Variants in SAMD8 observed in about 807,000 individuals in gnomAD.
The protein encoded by SAMD8 is sterile alpha motif domain containing 8.
A neutral mutation model predicts 42.0 loss-of-function variants in SAMD8; 20 were observed. The ratio of observed to expected loss-of-function variants is 0.48; its 90% CI spans 0.34 to 0.69. The LOEUF is 0.69. Ranked by LOEUF, SAMD8 falls within the 30% of genes least tolerant of loss-of-function variation. The pLI, the probability that SAMD8 is intolerant of heterozygous loss-of-function variation, is 0.01. For missense variants in SAMD8, 328 were observed against 511.6 expected (o/e 0.64, Z 3.46); for synonymous variants, 162 against 173.0 (o/e 0.94, Z 0.50).
At chr10:75,158,880 G>C (rs1284268864) in intron 2 of SAMD8, among the ~76,000 whole-genome samples, 1 of 152,104 alleles carries the variant, frequency 6.6e-6, no homozygotes, top group Non-Finnish European at 1.5e-5. Flanking sequence ...ACTGTAGCAT[G>C]TATCAGCACT....
At chr10:75,162,233 C>T (rs1348898259) in intron 2 of SAMD8, among the ~76,000 whole-genome samples, 3 of 152,130 alleles carry the variant, frequency 2.0e-5, no homozygotes, top group Non-Finnish European at 4.4e-5. Context: ...GTGGTGGGCA[C>T]CTGTAATCCC....
At chr10:75,124,544 C>T (rs961788578) in intron 1 of SAMD8, among the ~76,000 whole-genome samples, 4 of 146,098 alleles carry the variant, frequency 2.7e-5, no homozygotes, top group African/African-American at 5.0e-5. Flanking sequence ...ACCCGGGAGG[C>T]GGAGATTGCA....
At chr10:75,149,634 A>T (rs1840233506) in intron 1 of SAMD8, among the ~76,000 whole-genome samples, 1 of 152,148 alleles carries the variant, frequency 6.6e-6, no homozygotes, top group African/African-American at 2.4e-5. Flanking sequence ...AATTACAGTT[A>T]TCTACTTTCC....
At chr10:75,105,733 T>C (rs965913587) in intron 1 of SAMD8, 37 of 1,554,500 alleles carry the variant, frequency 2.4e-5, no homozygotes, top group Admixed American at 3.9e-5. Context: ...GAAGCCTCGG[T>C]TGGGGAAGAC....
intron 1 of SAMD8, among the ~76,000 whole-genome samples, chr10:75,133,332 A>G (rs191644740): frequency 8.2e-4 from 125 of 151,996 alleles, no homozygotes; most frequent in Admixed American, 2.1e-3. Context: ...GAGCCTGACA[A>G]GCGGTGGTTG....
At chr10:75,171,727 T>TA (rs1220867416) in intron 4 of SAMD8, among the ~76,000 whole-genome samples, 2 of 152,062 alleles carry the variant, frequency 1.3e-5, no homozygotes, top group Non-Finnish European at 2.9e-5. Context: ...ACATGCACAT[T>TA]AAAAAATATA....
chr10:75,117,058 C>T (rs140665654), intron 1 of SAMD8, among the ~76,000 whole-genome samples: 8 of 152,028 alleles, frequency 5.3e-5, no homozygotes, highest in Non-Finnish European at 1.0e-4. Context: ...GCATCCACCC[C>T]CCTTGGCCTC....
At chr10:75,166,938 T>G (rs1406875938) in intron 3 of SAMD8, among the ~76,000 whole-genome samples, 1 of 152,184 alleles carries the variant, frequency 6.6e-6, no homozygotes. Context: ...AAATGCAGAT[T>G]CCTAGGTTCC....
At chr10:75,118,197 C>T (rs560605336) in intron 1 of SAMD8, among the ~76,000 whole-genome samples, 1 of 152,186 alleles carries the variant, frequency 6.6e-6, no homozygotes, top group Non-Finnish European at 1.5e-5. Context: ...GCCCTAAATT[C>T]TACTGCTCAG....
chr10:75,178,843 A>G lies in SAMD8; in HGVS notation c.*2151A>G, dbSNP rs1215086384. The G allele has an allele frequency of 6.6e-6, 1 of 152,276 alleles. No individual in the cohort carries two copies. The highest frequency in any genetic ancestry group is 6.5e-5 in the Admixed American group (1 of 15,284). 9.4% of individuals were successfully genotyped at this position (152,276 alleles called of 1,614,324 possible). ...CAGGAGTTCGAGATTAGCCTGGCCA[A>G]TATGGTGAAACCTCATCTCTACTAA... On this transcript the variant is annotated 3_prime_UTR_variant, in exon 6 of 6. Coordinates refer to ENST00000542569, the MANE Select transcript of SAMD8 (RefSeq NM_001174156.2).
At chr10:75,163,115 C>T (rs560736925) in intron 2 of SAMD8, among the ~76,000 whole-genome samples, 2 of 152,102 alleles carry the variant, frequency 1.3e-5, no homozygotes, top group African/African-American at 4.8e-5. Context: ...TTAGTAGAGA[C>T]GGGGTTTAAC....
chr10:75,131,966 G>T (rs1282734410), intron 1 of SAMD8, among the ~76,000 whole-genome samples: 1 of 152,206 alleles, frequency 6.6e-6, no homozygotes, highest in Non-Finnish European at 1.5e-5. Context: ...CTAGGATGAG[G>T]CATGGACATT....
chr10:75,138,321 C>A (rs1345690755), intron 1 of SAMD8, among the ~76,000 whole-genome samples: 1 of 152,134 alleles, frequency 6.6e-6, no homozygotes, highest in East Asian at 1.9e-4. Context: ...GTCAGGTCAC[C>A]ATTTCCAGTA....
chr10:75,155,056 T>A (rs1476181204), intron 2 of SAMD8, among the ~76,000 whole-genome samples: 1 of 152,130 alleles, frequency 6.6e-6, no homozygotes, highest in Non-Finnish European at 1.5e-5. Flanking sequence ...CACACCTGCC[T>A]GATTTTTAAA....
chr10:75,109,242 G>A, upstream of SAMD8: 1 of 1,431,620 alleles, frequency 7.0e-7, no homozygotes, highest in Non-Finnish European at 9.2e-7. Flanking sequence ...GATTGACAGG[G>A]ACAGGTGACA....
In SAMD8 at chr10:75,150,549, C is replaced by A. The variant is rs1326903692; in HGVS notation, c.21C>A (p.Leu7=). 2.0e-5 allele frequency: 33 copies of A among 1,613,496 alleles called. No homozygotes were observed. Among genetic ancestry groups the A allele is most frequent in the Non-Finnish European group, 2.8e-5 (33 of 1,179,702 alleles). Residue 7 remains leucine (L), a synonymous_variant, in exon 2 of 6, where the codon CTC becomes CTA. Coordinates refer to ENST00000542569, the MANE Select transcript of SAMD8 (RefSeq NM_001174156.2). ...AGGAAATGGCAGGTCCTAATCAACT[C>A]TGCATTCGCCGCTGGACTACCAAGC... MAGPNQ[L]CIRRWTTKHV... is the part of the protein sequence containing the mutation.
intron 2 of SAMD8, among the ~76,000 whole-genome samples, chr10:75,163,503 G>A (rs12775846): frequency 2.6e-5 from 4 of 151,878 alleles, no homozygotes; most frequent in Admixed American, 6.6e-5. Flanking sequence ...ATGAAACCTC[G>A]GCTCACTGCA....
intron 1 of SAMD8, chr10:75,102,086 T>C (rs7093541): frequency 0.036 from 21,909 of 601,074 alleles, 634 homozygotes; most frequent in African/African-American, 0.1. Flanking sequence ...GTCAGGCACC[T>C]TTCCCTCCAG....
chr10:75,151,156 C>T, intron 2 of SAMD8, 50 bp downstream of exon 2: 4 of 908,970 alleles, frequency 4.4e-6, no homozygotes, highest in Non-Finnish European at 6.6e-6. Flanking sequence ...CTATAATTAA[C>T]AGCAATGATA....
Sources: allele counts gnomAD v4.1 joint callset (sites outside exome capture counted in the v4.1 genomes callset), GRCh38; gene constraint gnomAD v4.1.1; transcripts MANE v1.5; gene names NCBI Gene and HGNC (gene_info 2026-07-23, HGNC 2026-07-21).